Variants in VPS41 observed in about 807,000 individuals in gnomAD.
VPS41 encodes the protein vacuolar protein sorting-associated protein 41 homolog.
A neutral mutation model predicts 130.9 loss-of-function variants in VPS41; 85 were observed. The ratio of observed to expected loss-of-function variants is 0.65; its 90% CI spans 0.55 to 0.78. The LOEUF (loss-of-function observed/expected upper bound fraction) is 0.78, where lower values mean the gene tolerates loss of function less well. Among genes scored for constraint, VPS41 ranks in the 30% least tolerant of loss-of-function variants. VPS41 has a pLI of 0.00. For missense variants in VPS41, 874 were observed against 1,018.7 expected (o/e 0.86, Z 1.93); for synonymous variants, 335 against 332.9 (o/e 1.01, Z -0.07).
chr7:38,873,419 T>C (rs1210649047), intron 2 of VPS41, among the ~76,000 whole-genome samples: 1 of 151,674 alleles, frequency 6.6e-6, no homozygotes. Context: ...TAGTAGATTA[T>C]AGAGTTTCTC....
At chr7:38,772,046 C>CA (rs1554289567) in intron 13 of VPS41, among the ~76,000 whole-genome samples, 2 of 150,700 alleles carry the variant, frequency 1.3e-5, no homozygotes, top group Non-Finnish European at 3.0e-5. Context: ...TGGTTTTTTT[C>CA]TTTTTTTTTA....
At chr7:38,861,117 A>C (rs1020411394) in intron 4 of VPS41, among the ~76,000 whole-genome samples, 5 of 152,194 alleles carry the variant, frequency 3.3e-5, no homozygotes, top group African/African-American at 1.2e-4. Flanking sequence ...ACAGACATGA[A>C]AGAAGATATA....
rs771140092 is a variant in VPS41 at position 38,821,278 on chromosome 7, T to A, written c.322-13A>T. On this transcript the variant is annotated splice_polypyrimidine_tract_variant and intron_variant, in intron 5 of 28. Coordinates refer to ENST00000310301, the MANE Select transcript of VPS41 (RefSeq NM_014396.4). ...CAAATACCTGCACCTACAAAGAAAA[T>A]GGATTGTATCAGCTCACCATGACAG... 6.2e-7 allele frequency: 1 copy of A among 1,609,882 alleles called. No homozygotes were observed. The highest frequency in any genetic ancestry group is 8.5e-7 in the Non-Finnish European group (1 of 1,176,472).
intron 25 of VPS41, among the ~76,000 whole-genome samples, chr7:38,738,118 T>G (rs1455352469): frequency 6.6e-6 from 1 of 152,196 alleles, no homozygotes; most frequent in Non-Finnish European, 1.5e-5. Context: ...CTGGTGAGAT[T>G]TCCACTGCAC....
chr7:38,840,035 T>C (rs1785577747), intron 4 of VPS41, among the ~76,000 whole-genome samples: 1 of 152,330 alleles, frequency 6.6e-6, no homozygotes, highest in Middle Eastern at 3.4e-3. Context: ...GCATGGCAGC[T>C]GGCTGCTGTC....
intron 2 of VPS41, among the ~76,000 whole-genome samples, chr7:38,889,604 T>G (rs1786817198): frequency 6.7e-6 from 1 of 149,734 alleles, no homozygotes; most frequent in Non-Finnish European, 1.5e-5. Context: ...ATAAAGATAC[T>G]CTCATATTAA....
chr7:38,740,936 C>T (rs755187181), intron 25 of VPS41, among the ~76,000 whole-genome samples: 3 of 152,142 alleles, frequency 2.0e-5, no homozygotes, highest in Non-Finnish European at 2.9e-5. Flanking sequence ...ACCATGACTC[C>T]GCTTCAGAAA....
At chr7:38,786,818 C>G (rs1302142502) in intron 10 of VPS41, among the ~76,000 whole-genome samples, 1 of 152,092 alleles carries the variant, frequency 6.6e-6, no homozygotes, top group Non-Finnish European at 1.5e-5. Context: ...CCACATCACT[C>G]CTGGGCACAC....
At chr7:38,896,095 T>C (rs1468019537) in intron 2 of VPS41, among the ~76,000 whole-genome samples, 1 of 152,192 alleles carries the variant, frequency 6.6e-6, no homozygotes, top group Non-Finnish European at 1.5e-5. Context: ...TTGTGTGTGC[T>C]TTTATTTACT....
chr7:38,804,164 T>A (rs1191064041), intron 7 of VPS41, among the ~76,000 whole-genome samples: 5 of 135,876 alleles, frequency 3.7e-5, no homozygotes, highest in Non-Finnish European at 7.8e-5. Flanking sequence ...ACCATTCCTA[T>A]GCAACACAGA....
intron 14 of VPS41, among the ~76,000 whole-genome samples, chr7:38,770,835 G>C (rs1784139514): frequency 6.6e-6 from 1 of 152,106 alleles, no homozygotes; most frequent in African/African-American, 2.4e-5. Flanking sequence ...TGTTATTATG[G>C]AAACACCAAA....
At position 38,758,500 on chromosome 7, in the gene VPS41, C is replaced by A; in HGVS notation, c.1423-19G>T. The A allele has an allele frequency of 6.3e-7, 1 of 1,598,360 alleles. No individual in the cohort carries two copies. The highest frequency in any genetic ancestry group is 8.5e-7 in the Non-Finnish European group (1 of 1,175,780). ...CAAAACCCTAACCAAAGGTGAAAAA[C>A]AGAAAAAGAACACTCATTCAACAGA... On this transcript the variant is annotated intron_variant, in intron 17 of 28. Coordinates refer to ENST00000310301, the MANE Select transcript of VPS41 (RefSeq NM_014396.4).
chr7:38,744,166 C>T (rs1375554037), intron 23 of VPS41, among the ~76,000 whole-genome samples: 4 of 152,136 alleles, frequency 2.6e-5, no homozygotes, highest in African/African-American at 9.7e-5. Context: ...TCAACCATGC[C>T]TTCTATTGGC....
chr7:38,796,955 A>C, intron 7 of VPS41, 91 bp from the exon 8 acceptor site: 1 of 1,479,712 alleles, frequency 6.8e-7, no homozygotes, highest in South Asian at 1.2e-5. Flanking sequence ...CCTCGTGACC[A>C]AATAACAAAC....
intron 4 of VPS41, among the ~76,000 whole-genome samples, chr7:38,848,347 G>A (rs1337161545): frequency 2.0e-5 from 3 of 152,210 alleles, no homozygotes; most frequent in Non-Finnish European, 4.4e-5. Context: ...TAGGGAGGCA[G>A]CAAAATGGGT....
intron 17 of VPS41, among the ~76,000 whole-genome samples, chr7:38,758,744 C>T (rs191957578): frequency 4.1e-4 from 62 of 152,326 alleles, no homozygotes; most frequent in African/African-American, 1.4e-3. Context: ...TACCCCCACC[C>T]CTGCCCCACA....
In VPS41 at chr7:38,725,332, C is replaced by T. The variant is rs908032962; in HGVS notation, c.*914G>A. On this transcript the variant is annotated 3_prime_UTR_variant, in exon 29 of 29. Transcript: ENST00000310301. ...CTGTTCCATGAGGGCAATGGAGGCA[C>T]CAGAGAAGGCAAGAGGAAACATCAT... 33 of 152,158 alleles carry T rather than the reference C, an allele frequency of 2.2e-4. No individual in the cohort carries two copies. The highest frequency in any genetic ancestry group is 7.7e-4 in the African/African-American group (32 of 41,440). 9.4% of individuals were successfully genotyped at this position (152,158 alleles called of 1,614,324 possible). A position where few individuals can be genotyped will look rare whatever the true frequency, so the allele number is the denominator to read the frequency against.
intron 17 of VPS41, among the ~76,000 whole-genome samples, chr7:38,762,908 A>G (rs1783950711): frequency 6.6e-6 from 1 of 152,194 alleles, no homozygotes. Flanking sequence ...AGTGTTCCAG[A>G]TATGAAATCA....
intron 22 of VPS41, among the ~76,000 whole-genome samples, chr7:38,746,373 T>C (rs942242641): frequency 2.0e-5 from 3 of 151,982 alleles, no homozygotes; most frequent in Non-Finnish European, 2.9e-5. Context: ...TAGATAGAGA[T>C]GCAAAGATGA....
Sources: allele counts gnomAD v4.1 joint callset (sites outside exome capture counted in the v4.1 genomes callset), GRCh38; gene constraint gnomAD v4.1.1; transcripts MANE v1.5; gene names NCBI Gene and HGNC (gene_info 2026-07-23, HGNC 2026-07-21).